Variants in PRRG1 observed in about 807,000 individuals in gnomAD.
The protein encoded by PRRG1 is transmembrane gamma-carboxyglutamic acid protein 1.
A neutral mutation model predicts 11.8 loss-of-function variants in PRRG1; 5 were observed. The ratio of observed to expected loss-of-function variants is 0.42; its 90% CI spans 0.22 to 0.89. The LOEUF (loss-of-function observed/expected upper bound fraction) is 0.89. Ranked by LOEUF, PRRG1 falls within the 40% of genes least tolerant of loss-of-function variation. PRRG1 has a pLI of 0.28. For synonymous variants in PRRG1, 66 were observed against 60.4 expected (o/e 1.09, Z -0.43); for missense variants, 155 against 166.1 (o/e 0.93, Z 0.37).
At chrX:37,450,155 G>A (rs999392378) in intron 3 of PRRG1, among the ~76,000 whole-genome samples, 2 of 112,179 alleles carry the variant, frequency 1.8e-5, no homozygotes, top group Non-Finnish European at 3.8e-5. Flanking sequence ...AGCCAAACTG[G>A]TTCTGAATTA....
At chrX:37,389,877 G>A (rs2146552882) in intron 1 of PRRG1, among the ~76,000 whole-genome samples, 1 of 111,880 alleles carries the variant, frequency 8.9e-6, no homozygotes, top group South Asian at 3.8e-4. Context: ...TTACTGATTG[G>A]TAATGTTAGA....
chrX:37,379,174 T>G (rs890272670), intron 1 of PRRG1, among the ~76,000 whole-genome samples: 1 of 107,392 alleles, frequency 9.3e-6, no homozygotes, highest in African/African-American at 3.4e-5. Context: ...TTGTGAAGAC[T>G]TCTTATCTTT....
At chrX:37,395,328 A>G (rs781862781) in intron 1 of PRRG1, among the ~76,000 whole-genome samples, 1 of 111,882 alleles carries the variant, frequency 8.9e-6, no homozygotes, top group Non-Finnish European at 1.9e-5. Context: ...AGATAAGTAT[A>G]TCAAGGCTGG....
intron 1 of PRRG1, among the ~76,000 whole-genome samples, chrX:37,377,438 T>C (rs1931010044): frequency 8.9e-6 from 1 of 112,089 alleles, no homozygotes; most frequent in Admixed American, 9.4e-5. Context: ...ATTAAGTGTG[T>C]AGCGTAGCAA....
intron 2 of PRRG1, among the ~76,000 whole-genome samples, chrX:37,411,052 C>T (rs1021152701): frequency 2.7e-5 from 3 of 111,703 alleles, no homozygotes; most frequent in Admixed American, 1.9e-4. Context: ...ATATAATCAG[C>T]CTTCCATATC....
intron 3 of PRRG1, among the ~76,000 whole-genome samples, chrX:37,450,989 C>CTATTTT (rs1921106827): frequency 1.2e-5 from 1 of 83,966 alleles, no homozygotes; most frequent in African/African-American, 6.0e-5. Flanking sequence ...TTCATTTTTG[C>CTATTTT]TGTTTTTGTT....
chrX:37,455,137 G>A lies in PRRG1; in HGVS notation c.*1516G>A, dbSNP rs1344823211. Reference sequence around the variant, plus strand: ...AACCAAAGGAAGGAGGAACACTGAGGGGAATCCTGAAGTAGGAGTCAGATG... The same window carrying A: ...AACCAAAGGAAGGAGGAACACTGAGAGGAATCCTGAAGTAGGAGTCAGATG... On this transcript the variant is annotated 3_prime_UTR_variant, in exon 4 of 4. Transcript: ENST00000378628. 9.0e-6 allele frequency: 1 copy of A among 111,288 alleles called. No individual in the cohort carries two copies. The highest frequency in any genetic ancestry group is 1.9e-5 in the Non-Finnish European group (1 of 53,065). The allele number at this position is 111,288 out of a possible 1,213,427, so 9.2% of individuals were successfully genotyped here.
chrX:37,414,702 G>C (rs1932440067), intron 2 of PRRG1, among the ~76,000 whole-genome samples: 1 of 112,811 alleles, frequency 8.9e-6, no homozygotes, highest in Non-Finnish European at 1.9e-5. Context: ...AATTTAGAAA[G>C]CTACCAGATT....
Position 37,455,246 on chromosome X carries a change from A to G in PRRG1, c.*1625A>G, listed in dbSNP as rs1427556066. 1.8e-5 allele frequency: 2 copies of G among 111,851 alleles called. No homozygotes were observed. The highest frequency in any genetic ancestry group is 3.8e-5 in the Non-Finnish European group (2 of 53,154). The allele number at this position is 111,851 out of a possible 1,213,427, so 9.2% of individuals were successfully genotyped here. On this transcript the variant is annotated 3_prime_UTR_variant, in exon 4 of 4. Coordinates refer to ENST00000378628, the MANE Select transcript of PRRG1 (RefSeq NM_001142395.2). ...TCATATCTGACCCTCAACCTCCTCA[A>G]CTCTAAAATGGGGATAACATCATTT...
intron 3 of PRRG1, among the ~76,000 whole-genome samples, chrX:37,437,306 G>T (rs188669186): frequency 1.8e-5 from 2 of 109,651 alleles, no homozygotes; most frequent in Non-Finnish European, 1.9e-5. Flanking sequence ...CAGTCAGGGC[G>T]GGGGGGGAGG....
chrX:37,395,483 T>C (rs1198795080), intron 1 of PRRG1, among the ~76,000 whole-genome samples: 1 of 109,185 alleles, frequency 9.2e-6, no homozygotes, highest in Non-Finnish European at 1.9e-5. Context: ...GGCATAGAGA[T>C]GGGTGCACAT....
intron 3 of PRRG1, among the ~76,000 whole-genome samples, chrX:37,449,184 C>T (rs1456196288): frequency 9.0e-6 from 1 of 111,315 alleles, no homozygotes; most frequent in African/African-American, 3.3e-5. Context: ...GGTTTTTAGT[C>T]CCCCGTCTCC....
rs187181705 is a variant in PRRG1 at position 37,369,610 on chromosome X, A to G, written c.-42+20215A>G. 5.9e-4 allele frequency among the ~76,000 whole-genome samples: 66 copies of G among 111,598 alleles called. 1 individual carries two copies. The highest frequency in any genetic ancestry group is 5.4e-3 in the Admixed American group (57 of 10,546). On this transcript the variant is annotated intron_variant, in intron 1 of 3. Transcript: ENST00000378628. ...TCTAACTGAAATTTTGTATCATGTGACCAACATCTCTTTGATCTTCCCCCA... is the reference window on the plus strand; with the variant it reads ...TCTAACTGAAATTTTGTATCATGTGGCCAACATCTCTTTGATCTTCCCCCA...
intron 1 of PRRG1, among the ~76,000 whole-genome samples, chrX:37,385,821 C>T (rs1299515634): frequency 3.7e-5 from 4 of 108,768 alleles, no homozygotes; most frequent in African/African-American, 1.3e-4. Context: ...AGTGCAGTGG[C>T]GTGATCTAGG....
chrX:37,452,552 A>G lies in PRRG1; in HGVS notation c.172-584A>G, dbSNP rs1213768594. 2.7e-5 allele frequency among the ~76,000 whole-genome samples: 3 copies of G among 112,231 alleles called. No homozygotes were observed. The Admixed American group carries it at 2.8e-4, about 11-fold the overall frequency. On this transcript the variant is annotated intron_variant, in intron 3 of 3. Transcript: ENST00000378628. ...CACCAGCCTGAGGTCTCTCCTAGGA[A>G]CAATATATAATTTTGACCTTCAGTC...
chrX:37,392,538 T>A (rs1556377007), intron 1 of PRRG1, among the ~76,000 whole-genome samples: 3 of 100,656 alleles, frequency 3.0e-5, no homozygotes, highest in Admixed American at 1.1e-4. Flanking sequence ...AAAAAAAAAA[T>A]AATAAAATTA....
At chrX:37,353,804 G>A (rs4291400) in intron 1 of PRRG1, among the ~76,000 whole-genome samples, 34,296 of 111,510 alleles carry the variant, frequency 0.31, 7,211 homozygotes, top group African/African-American at 0.77. Flanking sequence ...AGGTATGTGT[G>A]AGTACATTCT....
chrX:37,350,280 G>A (rs1930018441), intron 1 of PRRG1, among the ~76,000 whole-genome samples: 2 of 111,976 alleles, frequency 1.8e-5, no homozygotes, highest in African/African-American at 6.5e-5. Context: ...GGAGAAAAGC[G>A]AAACTAATGG....
intron 3 of PRRG1, among the ~76,000 whole-genome samples, chrX:37,448,234 G>C (rs1920994468): frequency 1.8e-5 from 2 of 112,497 alleles, no homozygotes; most frequent in Admixed American, 9.4e-5. Flanking sequence ...GGCGGCTAAA[G>C]AGCCCCAGTT....
Sources: allele counts gnomAD v4.1 joint callset (sites outside exome capture counted in the v4.1 genomes callset), GRCh38; gene constraint gnomAD v4.1.1; transcripts MANE v1.5; gene names NCBI Gene and HGNC (gene_info 2026-07-23, HGNC 2026-07-21).